The following FBP2 variants were observed in gnomAD, a reference collection of about 807,000 sequenced individuals.
FBP2 encodes fructose-bisphosphatase 2.
Under a neutral mutation model 31.6 loss-of-function variants are expected in FBP2, and 27 were observed. The observed-to-expected ratio is 0.85, with a 90% CI of 0.63 to 1.18. The LOEUF is 1.18. FBP2 is among the 50% of genes most tolerant of loss of function. The pLI is 0.00. For synonymous variants in FBP2, 168 were observed against 179.8 expected (o/e 0.93, Z 0.53); for missense variants, 421 against 436.1 (o/e 0.97, Z 0.31).
intron 1 of FBP2, among the ~76,000 whole-genome samples, chr9:94,590,581 G>A (rs1177868146): frequency 1.3e-5 from 2 of 152,208 alleles, no homozygotes; most frequent in Non-Finnish European, 2.9e-5. Flanking sequence ...GTTCCTCCCA[G>A]TGGGCTCGTG....
intron 3 of FBP2, among the ~76,000 whole-genome samples, chr9:94,576,426 GT>G (rs1270297937): frequency 6.6e-6 from 1 of 152,192 alleles, no homozygotes; most frequent in Non-Finnish European, 1.5e-5. Context: ...CCTGCATTCA[GT>G]TACAATTTTA....
At chr9:94,585,296 TCATG>T (rs1166074613) in intron 2 of FBP2, among the ~76,000 whole-genome samples, 1 of 152,208 alleles carries the variant, frequency 6.6e-6, no homozygotes, top group Non-Finnish European at 1.5e-5. Flanking sequence ...GCCCATTCAT[TCATG>T]CATGCATGCA....
At chr9:94,577,272 T>C (rs957485078) in intron 3 of FBP2, 1 of 152,246 alleles carries the variant, frequency 6.6e-6, no homozygotes, top group African/African-American at 2.4e-5. Flanking sequence ...TACATCTCTT[T>C]CTTTTCTTTT....
intron 1 of FBP2, among the ~76,000 whole-genome samples, chr9:94,590,633 G>A (rs533985636): frequency 2.7e-3 from 417 of 152,316 alleles, no homozygotes; most frequent in Non-Finnish European, 4.0e-3. Flanking sequence ...TCTTCGCGGT[G>A]AGTGTTACAG....
chr9:94,566,796 A>C (rs1175094940), intron 5 of FBP2, among the ~76,000 whole-genome samples: 2 of 152,248 alleles, frequency 1.3e-5, no homozygotes, highest in Admixed American at 1.3e-4. Flanking sequence ...ATGAAGCCTT[A>C]CAAAAGCATC....
rs528675006 is a variant in FBP2, at chr9:94,587,883, C to G, written c.171-414G>C. Among the ~76,000 whole-genome samples the G allele has an allele frequency of 9.2e-5, 14 of 152,024 alleles. No homozygotes were observed. In the South Asian group the frequency reaches 2.5e-3, roughly 27 times the overall value. On this transcript the variant is annotated intron_variant, in intron 1 of 6. Transcript: ENST00000375337. ...TTTTTTTTTGAAACGGAGTCTTGCT[C>G]TGTCGCCCAGGCTGGAGTGCAGTGG...
chr9:94,576,877 T>C (rs1407283359), intron 3 of FBP2, among the ~76,000 whole-genome samples: 9 of 152,090 alleles, frequency 5.9e-5, no homozygotes, highest in Non-Finnish European at 1.2e-4. Flanking sequence ...CCTTGCTGGG[T>C]TCAGGCTGTT....
At chr9:94,579,153 T>C (rs1338446531) in intron 3 of FBP2, among the ~76,000 whole-genome samples, 3 of 143,574 alleles carry the variant, frequency 2.1e-5, no homozygotes, top group Admixed American at 7.0e-5. Context: ...AATCCCAGCA[T>C]TTTGGGAGGC....
intron 1 of FBP2, 76 bp from the exon 2 acceptor site, chr9:94,587,545 G>A (rs1033069865): frequency 2.2e-5 from 29 of 1,300,118 alleles, no homozygotes; most frequent in Middle Eastern, 3.8e-4. Flanking sequence ...ACCCTAAAAC[G>A]CCAGCAGTGC....
chr9:94,592,245 G>A (rs1281481384), intron 1 of FBP2, among the ~76,000 whole-genome samples: 2 of 152,092 alleles, frequency 1.3e-5, no homozygotes, highest in Non-Finnish European at 1.5e-5. Context: ...CCACCCACAG[G>A]AAAAAAGCAA....
intron 1 of FBP2, among the ~76,000 whole-genome samples, chr9:94,588,325 C>T (rs953473877): frequency 9.2e-5 from 14 of 152,214 alleles, no homozygotes; most frequent in South Asian, 2.1e-4. Context: ...AGTGCTACTA[C>T]GAGAATTCTA....
chr9:94,560,853 C>T (rs1827087951), intron 6 of FBP2, among the ~76,000 whole-genome samples: 2 of 151,054 alleles, frequency 1.3e-5, no homozygotes, highest in Admixed American at 6.6e-5. Flanking sequence ...TCCAGGCATT[C>T]GAGAGAAAGT....
chr9:94,568,749 C>T (rs1181725138), intron 4 of FBP2: 2 of 152,186 alleles, frequency 1.3e-5, no homozygotes, highest in Non-Finnish European at 2.9e-5. Flanking sequence ...CAATCCTTTC[C>T]TGCCTAACAT....
At chr9:94,580,683 C>A (rs953959197) in intron 3 of FBP2, among the ~76,000 whole-genome samples, 3 of 152,140 alleles carry the variant, frequency 2.0e-5, no homozygotes, top group Non-Finnish European at 4.4e-5. Flanking sequence ...CTGGGGTTTA[C>A]CAAAGCTATA....
intron 1 of FBP2, among the ~76,000 whole-genome samples, chr9:94,591,385 G>GGGTGCTAAGTCCCCCGTCGCCCA (rs1827501024): frequency 6.6e-6 from 1 of 152,202 alleles, no homozygotes; most frequent in South Asian, 2.1e-4. Flanking sequence ...CCACTGGCCC[G>GGGTGCTAAGTCCCCCGTCGCCCA]GGTGCTAAGT....
At chr9:94,572,097 G>A (rs1021419496) in intron 3 of FBP2, among the ~76,000 whole-genome samples, 1 of 152,132 alleles carries the variant, frequency 6.6e-6, no homozygotes, top group African/African-American at 2.4e-5. Flanking sequence ...CCAGCAGCAG[G>A]AAGCCCTGAT....
At chr9:94,588,798 C>A (rs7862669) in intron 1 of FBP2, among the ~76,000 whole-genome samples, 9,497 of 152,240 alleles carry the variant, frequency 0.062, 990 homozygotes, top group African/African-American at 0.22. Flanking sequence ...TCAGGCACCA[C>A]CGTGGAATCT....
At chr9:94,564,001 G>A (rs1051595057) in intron 5 of FBP2, among the ~76,000 whole-genome samples, 1 of 152,140 alleles carries the variant, frequency 6.6e-6, no homozygotes, top group African/African-American at 2.4e-5. Flanking sequence ...AGTCCTTAGA[G>A]ACCTTCAAAG....
chr9:94,580,286 A>G (rs1827361427), intron 3 of FBP2, among the ~76,000 whole-genome samples: 1 of 152,242 alleles, frequency 6.6e-6, no homozygotes, highest in African/African-American at 2.4e-5. Flanking sequence ...GCTGCAGTAC[A>G]GTGGCACAAT....
Sources: gnomAD v4.1 joint callset for allele counts (sites outside exome capture counted in the v4.1 genomes callset) on GRCh38, gnomAD v4.1.1 for gene constraint, MANE v1.5 for transcripts, NCBI Gene and HGNC (gene_info 2026-07-23, HGNC 2026-07-21) for gene names.